Variants in BRIP1 observed in about 807,000 individuals in gnomAD.
The protein encoded by BRIP1 is BRCA1 interacting DNA helicase 1.
A neutral mutation model predicts 119.7 loss-of-function variants in BRIP1; 88 were observed. The ratio of observed to expected loss-of-function variants is 0.74; its 90% CI spans 0.62 to 0.88. The LOEUF (loss-of-function observed/expected upper bound fraction) is 0.88. BRIP1 is among the 40% of genes least tolerant of loss of function. The pLI, the probability that BRIP1 is intolerant of heterozygous loss-of-function variation, is 0.00. For missense variants in BRIP1, 1,259 were observed against 1,455.4 expected (o/e 0.87, Z 2.20); for synonymous variants, 443 against 496.5 (o/e 0.89, Z 1.43).
chr17:61,849,262 A>AT lies in BRIP1; in HGVS notation c.380-7dup. On this transcript the variant is annotated splice_region_variant and splice_polypyrimidine_tract_variant and intron_variant, in intron 4 of 19. Transcript: ENST00000259008. ...AGTGGTTTTTTCAGGGGAGTCTTAT[A>AT]TAAGTAATTTAAAAAAAACAGCATA... 1 of 1,607,978 alleles carries AT rather than the reference A, an allele frequency of 6.2e-7. No individual in the cohort carries two copies. The highest frequency in any genetic ancestry group is 8.5e-7 in the Non-Finnish European group (1 of 1,177,586).
chr17:61,811,402 T>C (rs573520013), intron 6 of BRIP1, among the ~76,000 whole-genome samples: 3 of 151,916 alleles, frequency 2.0e-5, no homozygotes, highest in African/African-American at 4.8e-5. Context: ...GTTGTGTTTT[T>C]ATTAGAGATG....
rs1555571895 is a variant in BRIP1, at chr17:61,680,481, T to TTTTC, written c.*2814_*2815insGAAA. On this transcript the variant is annotated 3_prime_UTR_variant, in exon 20 of 20. Coordinates refer to ENST00000259008, the MANE Select transcript of BRIP1 (RefSeq NM_032043.3). ...GTTTACCAATTCTAAAGGTAATTTCTTTTTTTTTTTTTTTTTGAGACGGAG... is the reference window on the plus strand; with the variant it reads ...GTTTACCAATTCTAAAGGTAATTTCTTTTCTTTTTTTTTTTTTTTTGAGACGGAG... Among the ~76,000 whole-genome samples, 1 of 18,002 alleles carries TTTTC rather than the reference T, an allele frequency of 5.6e-5. No homozygotes were observed. Among genetic ancestry groups the TTTTC allele is most frequent in the Non-Finnish European group, 1.1e-4 (1 of 9,118 alleles). The allele number at this position is 18,002 out of a possible 152,430, so 11.8% of individuals were successfully genotyped here.
Position 61,710,976 on chromosome 17 carries a change from A to G in BRIP1, c.2492+4975T>C, listed in dbSNP as rs2061762372. Among the ~76,000 whole-genome samples, 1 of 149,882 alleles carries G rather than the reference A, an allele frequency of 6.7e-6. No individual in the cohort carries two copies. Among genetic ancestry groups the G allele is most frequent in the African/African-American group, 2.4e-5 (1 of 40,950 alleles). ...GAATCGCTTGAACTTGGGTGGAGGA[A>G]GATGCAGTGAGCCAAGACTGCACCA... is the stretch of plus-strand genomic sequence containing the variant. On this transcript the variant is annotated intron_variant, in intron 17 of 19. Coordinates refer to ENST00000259008, the MANE Select transcript of BRIP1 (RefSeq NM_032043.3). This position sits in a 1 kb window ranked among gnomAD's most constrained non-coding sequence, Gnocchi z 5.4.
In BRIP1 at chr17:61,793,466, A is replaced by G. The variant is rs2077849254; in HGVS notation, c.1473+131T>C. 3.8e-6 allele frequency: 3 copies of G among 788,404 alleles called. No homozygotes were observed. Among genetic ancestry groups the G allele is most frequent in the Non-Finnish European group, 5.8e-6 (3 of 516,846 alleles). The allele number at this position is 788,404 out of a possible 1,614,324, so 48.8% of individuals were successfully genotyped here. On this transcript the variant is annotated intron_variant, in intron 10 of 19. Coordinates refer to ENST00000259008, the MANE Select transcript of BRIP1 (RefSeq NM_032043.3). The surrounding 1 kb of genome is among the most constrained non-coding windows in gnomAD (Gnocchi z 5.2). ...TTAAAGATTATCAAATTTAGATAAT[A>G]AAATTTTTAAAAAATTAAATTGCTA...
chr17:61,771,299 C>A (rs1225395846), intron 14 of BRIP1, among the ~76,000 whole-genome samples: 1 of 152,130 alleles, frequency 6.6e-6, no homozygotes, highest in Admixed American at 6.5e-5. Context: ...TTAGGAGTTT[C>A]TTTTTGGGGT....
rs903248775 is a variant in BRIP1 at position 61,693,825 on chromosome 17, A to C, written c.2493-313T>G. On this transcript the variant is annotated intron_variant, in intron 17 of 19. Coordinates refer to ENST00000259008, the MANE Select transcript of BRIP1 (RefSeq NM_032043.3). This position sits in a 1 kb window ranked among gnomAD's most constrained non-coding sequence, Gnocchi z 4.2. The stretch of plus-strand genomic sequence containing the variant: ...AGACTGTTTTCTTTTTTTTACCTTA[A>C]GTATTATAAATAATTGTAAAGGTCC... Among the ~76,000 whole-genome samples the C allele has an allele frequency of 3.9e-5, 6 of 152,226 alleles. No individual in the cohort carries two copies. Among genetic ancestry groups the C allele is most frequent in the Non-Finnish European group, 7.4e-5 (5 of 67,962 alleles).
In BRIP1 at chr17:61,832,541, G is replaced by A. The variant is rs904650386; in HGVS notation, c.627+14560C>T. Among the ~76,000 whole-genome samples, 4 of 152,296 alleles carry A rather than the reference G, an allele frequency of 2.6e-5. No individual in the cohort carries two copies. In the East Asian group the frequency reaches 5.8e-4, roughly 22 times the overall value. On this transcript the variant is annotated intron_variant, in intron 6 of 19. Transcript: ENST00000259008. This position sits in a 1 kb window ranked among gnomAD's most constrained non-coding sequence, Gnocchi z 5.5. ...ACCTTATAAGATGCAATGAGCAGAA[G>A]GCATCACTTCTGTGACATTCCTGCC...
Position 61,683,122 on chromosome 17 carries a change from C to G in BRIP1, c.*174G>C. The G allele has an allele frequency of 1.4e-6, 1 of 740,648 alleles. No individual in the cohort carries two copies. Among genetic ancestry groups the G allele is most frequent in the South Asian group, 1.9e-5 (1 of 52,148 alleles). The allele number at this position is 740,648 out of a possible 1,614,324, so 45.9% of individuals were successfully genotyped here. A position where few individuals can be genotyped will look rare whatever the true frequency, so the allele number is the denominator to read the frequency against. On this transcript the variant is annotated 3_prime_UTR_variant, in exon 20 of 20. Transcript: ENST00000259008. The surrounding 1 kb of genome is among the most constrained non-coding windows in gnomAD (Gnocchi z 4.7). ...TTCCAGCCTGGGCAACAGACCAAGA[C>G]TCTGTCTCAAAAAAAAAAACCCAAA... is the stretch of plus-strand genomic sequence containing the variant.
intron 14 of BRIP1, among the ~76,000 whole-genome samples, chr17:61,771,181 G>A (rs2077442732): frequency 6.6e-6 from 1 of 152,176 alleles, no homozygotes; most frequent in South Asian, 2.1e-4. Context: ...GTCACATATT[G>A]TATGATTCAA....
rs182095690 is a variant in BRIP1 at position 61,757,218 on chromosome 17, G to T, written c.2098-12627C>A. ...GTAAAAATGAATGTCCTTAATTTTTGCTAAATACAAACTGAAAATATAAGA... is the reference window on the plus strand; with the variant it reads ...GTAAAAATGAATGTCCTTAATTTTTTCTAAATACAAACTGAAAATATAAGA... On this transcript the variant is annotated intron_variant, in intron 14 of 19. Transcript: ENST00000259008. This position sits in a 1 kb window ranked among gnomAD's most constrained non-coding sequence, Gnocchi z 4.3. Among the ~76,000 whole-genome samples, 1 of 151,946 alleles carries T rather than the reference G, an allele frequency of 6.6e-6. No homozygotes were observed. The highest frequency in any genetic ancestry group is 1.5e-5 in the Non-Finnish European group (1 of 67,976).
At position 61,762,668 on chromosome 17, in the gene BRIP1, T is replaced by G. The variant is rs549931693; in HGVS notation, c.2097+13733A>C. Among the ~76,000 whole-genome samples, 108 of 152,186 alleles carry G rather than the reference T, an allele frequency of 7.1e-4. No individual in the cohort carries two copies. Among genetic ancestry groups the G allele is most frequent in the African/African-American group, 2.5e-3 (104 of 41,526 alleles). On this transcript the variant is annotated intron_variant, in intron 14 of 19. Transcript: ENST00000259008. The surrounding 1 kb of genome is among the most constrained non-coding windows in gnomAD (Gnocchi z 4.3). ...AGGGAAATACAAATTAAAACCATGA[T>G]GAAACATTACCTTATGCCTGTAACA...
At position 61,793,569 on chromosome 17, in the gene BRIP1, C is replaced by T. The variant is rs1283170301; in HGVS notation, c.1473+28G>A. 9.5e-6 allele frequency: 15 copies of T among 1,586,598 alleles called. No homozygotes were observed. The highest frequency in any genetic ancestry group is 3.5e-5 in the Admixed American group (2 of 57,906). On this transcript the variant is annotated intron_variant, in intron 10 of 19. Transcript: ENST00000259008. This position sits in a 1 kb window ranked among gnomAD's most constrained non-coding sequence, Gnocchi z 5.2. ...TAAATCACTTCTAATTCACTAAATA[C>T]GTTTCACAGGTAGAAAAAATATCTT...
Position 61,680,999 on chromosome 17 carries a change from G to A in BRIP1, c.*2297C>T, listed in dbSNP as rs2061262544. ...AGGCCTCAAGAAACTTACAATCATG[G>A]CGGAAGGCAACTTTTCACAGGGCAG... On this transcript the variant is annotated 3_prime_UTR_variant, in exon 20 of 20. Transcript: ENST00000259008. Among the ~76,000 whole-genome samples, 1 of 152,144 alleles carries A rather than the reference G, an allele frequency of 6.6e-6. No individual in the cohort carries two copies. The highest frequency in any genetic ancestry group is 2.4e-5 in the African/African-American group (1 of 41,428).
rs1451182056 is a variant in BRIP1, at chr17:61,794,216, G to A, written c.1341-487C>T. ...CTATTTTATTCCAGACATTGTTCTG[G>A]GTAGTGAAAATAACAGCAGTTAAAT... On this transcript the variant is annotated intron_variant, in intron 9 of 19. Transcript: ENST00000259008. The surrounding 1 kb of genome is among the most constrained non-coding windows in gnomAD (Gnocchi z 4.3). Among the ~76,000 whole-genome samples, 1 of 151,986 alleles carries A rather than the reference G, an allele frequency of 6.6e-6. No homozygotes were observed. Among genetic ancestry groups the A allele is most frequent in the East Asian group, 1.9e-4 (1 of 5,196 alleles).
In BRIP1 at chr17:61,743,717, T is replaced by C. The variant is rs1442462703; in HGVS notation, c.2258-583A>G. On this transcript the variant is annotated intron_variant, in intron 15 of 19. Coordinates refer to ENST00000259008, the MANE Select transcript of BRIP1 (RefSeq NM_032043.3). This position sits in a 1 kb window ranked among gnomAD's most constrained non-coding sequence, Gnocchi z 4.3. ...TATTTTTTGTGTGTGAGACAGGGTC[T>C]CACTCTGTCAGCCAGGCTGGAGTGC... 6.6e-6 allele frequency among the ~76,000 whole-genome samples: 1 copy of C among 152,212 alleles called. No homozygotes were observed. The highest frequency in any genetic ancestry group is 1.5e-5 in the Non-Finnish European group (1 of 68,028).
intron 6 of BRIP1, among the ~76,000 whole-genome samples, chr17:61,826,280 A>G (rs2078406192): frequency 6.6e-6 from 1 of 152,154 alleles, no homozygotes; most frequent in African/African-American, 2.4e-5. Context: ...TAAAACAAAA[A>G]CTATAAAAAC....
chr17:61,786,879 TA>T (rs1233131673), intron 10 of BRIP1, among the ~76,000 whole-genome samples: 14 of 125,258 alleles, frequency 1.1e-4, no homozygotes, highest in Admixed American at 7.9e-4. Context: ...ATTAATATAT[TA>T]ATATATAAAT....
chr17:61,817,275 C>G (rs922275841), intron 6 of BRIP1, among the ~76,000 whole-genome samples: 1 of 152,014 alleles, frequency 6.6e-6, no homozygotes, highest in Non-Finnish European at 1.5e-5. Context: ...AAAATTCATC[C>G]AATTGTAATT....
chr17:61,812,057 A>ATACAGGTACAGG (rs1160391611), intron 6 of BRIP1, among the ~76,000 whole-genome samples: 1 of 152,186 alleles, frequency 6.6e-6, no homozygotes, highest in African/African-American at 2.4e-5. Flanking sequence ...ATAACAAAAG[A>ATACAGGTACAGG]TAATTACCTG....
Sources: gnomAD v4.1 joint callset for allele counts (sites outside exome capture counted in the v4.1 genomes callset) on GRCh38, gnomAD v4.1.1 for gene constraint, Gnocchi (gnomAD v3.1) non-coding constraint, MANE v1.5 for transcripts, NCBI Gene and HGNC (gene_info 2026-07-23, HGNC 2026-07-21) for gene names.